The following BCKDHB variants were observed in gnomAD, a reference collection of about 807,000 sequenced individuals.
The protein encoded by BCKDHB is 2-oxoisovalerate dehydrogenase subunit beta, mitochondrial.
A neutral mutation model predicts 48.5 loss-of-function variants in BCKDHB; 41 were observed. The ratio of observed to expected loss-of-function variants is 0.85; its 90% CI spans 0.66 to 1.10. The LOEUF is 1.10. Ranked by LOEUF, BCKDHB falls within the 50% of genes least tolerant of loss-of-function variation. BCKDHB has a pLI of 0.00. For synonymous variants in BCKDHB, 201 were observed against 174.8 expected, an observed-to-expected ratio of 1.15 and a Z score of -1.18; for missense variants, 496 against 494.2, an observed-to-expected ratio of 1.00 and a Z score of -0.03.
chr6:80,169,124 A>G, intron 5 of BCKDHB, 94 bp downstream of exon 5: 1 of 1,487,126 alleles, frequency 6.7e-7, no homozygotes, highest in Non-Finnish European at 9.2e-7. Flanking sequence ...AGGAAAGAAA[A>G]CAAACAGGAT....
intron 6 of BCKDHB, among the ~76,000 whole-genome samples, chr6:80,171,858 G>A (rs918349458): frequency 2.0e-5 from 3 of 152,088 alleles, no homozygotes; most frequent in African/African-American, 7.2e-5. Context: ...GCAAACTAAG[G>A]TGTTTGGTCA....
chr6:80,343,158 CA>C (rs1475900994), intron 9 of BCKDHB, among the ~76,000 whole-genome samples: 2 of 152,148 alleles, frequency 1.3e-5, no homozygotes, highest in Non-Finnish European at 1.5e-5. Flanking sequence ...GCATTATCTG[CA>C]AAAGCTAGAC....
chr6:80,279,208 CAGTGGTGCG>C (rs1778096410), intron 9 of BCKDHB, among the ~76,000 whole-genome samples: 1 of 151,988 alleles, frequency 6.6e-6, no homozygotes, highest in Non-Finnish European at 1.5e-5. Context: ...GGCTGGAGTG[CAGTGGTGCG>C]ATCTCGGCTC....
At chr6:80,407,355 A>G in the BCKDHB span, among the ~76,000 whole-genome samples, 1 of 152,128 alleles carries the variant, frequency 6.6e-6, no homozygotes, top group Non-Finnish European at 1.5e-5. Context: ...TTTTGGTTCC[A>G]TATGAACTTT....
chr6:80,111,397 G>A (rs1769399495), intron 1 of BCKDHB, among the ~76,000 whole-genome samples: 1 of 152,156 alleles, frequency 6.6e-6, no homozygotes, highest in African/African-American at 2.4e-5. Context: ...CCCCTTGGTG[G>A]GAGCAGGGCC....
At chr6:80,235,873 G>A (rs982418760) in intron 8 of BCKDHB, among the ~76,000 whole-genome samples, 9 of 152,214 alleles carry the variant, frequency 5.9e-5, no homozygotes, top group South Asian at 4.2e-4. Context: ...AGTGAGCACC[G>A]GCACTGGGAA....
chr6:80,405,000 G>T, the BCKDHB span, among the ~76,000 whole-genome samples: 1 of 152,102 alleles, frequency 6.6e-6, no homozygotes, highest in East Asian at 1.9e-4. Flanking sequence ...TTCTTGAGAA[G>T]AATGTGTACT....
At chr6:80,228,509 C>T (rs1462783476) in intron 8 of BCKDHB, among the ~76,000 whole-genome samples, 1 of 152,150 alleles carries the variant, frequency 6.6e-6, no homozygotes. Flanking sequence ...ATCTAAATCA[C>T]CTTTATTTTC....
At chr6:80,190,451 G>C (rs1773842473) in intron 6 of BCKDHB, among the ~76,000 whole-genome samples, 1 of 152,008 alleles carries the variant, frequency 6.6e-6, no homozygotes, top group African/African-American at 2.4e-5. Context: ...TTGGACCGCT[G>C]AGTGGCCACA....
chr6:80,414,893 A>G, the BCKDHB span, among the ~76,000 whole-genome samples: 1 of 152,190 alleles, frequency 6.6e-6, no homozygotes, highest in Admixed American at 6.5e-5. Context: ...GGGAGCATGG[A>G]ATGTTTTTTC....
intron 6 of BCKDHB, among the ~76,000 whole-genome samples, chr6:80,174,408 C>G (rs753664847): frequency 1.3e-5 from 2 of 152,086 alleles, no homozygotes; most frequent in African/African-American, 2.4e-5. Context: ...TCCAGCCCCT[C>G]TACCCCAATA....
intron 8 of BCKDHB, among the ~76,000 whole-genome samples, chr6:80,271,655 A>G (rs1441413319): frequency 6.6e-6 from 1 of 152,104 alleles, no homozygotes; most frequent in Non-Finnish European, 1.5e-5. Flanking sequence ...AAGATGCACC[A>G]GATAGCTTGG....
intron 4 of BCKDHB, 88 bp from the exon 5 acceptor site, chr6:80,168,787 A>AAGGAAGGAAGGGAGGGAGGG (rs1554189733): frequency 2.8e-6 from 3 of 1,085,304 alleles, no homozygotes; most frequent in African/African-American, 3.7e-5. Context: ...GAAGGGAAGG[A>AAGGAAGGAAGGGAGGGAGGG]AGGAAGGGAG....
intron 3 of BCKDHB, among the ~76,000 whole-genome samples, chr6:80,130,905 CAA>C (rs1218826301): frequency 6.6e-6 from 1 of 152,176 alleles, no homozygotes; most frequent in Non-Finnish European, 1.5e-5. Context: ...CTAGACCTCA[CAA>C]TTCCATCTTG....
the BCKDHB span, among the ~76,000 whole-genome samples, chr6:80,388,820 A>G: frequency 6.6e-6 from 1 of 152,206 alleles, no homozygotes; most frequent in South Asian, 2.1e-4. Context: ...CTGCAGCACT[A>G]CAGCCCCTTT....
At chr6:80,424,511 G>A in the BCKDHB span, among the ~76,000 whole-genome samples, 1 of 151,808 alleles carries the variant, frequency 6.6e-6, no homozygotes, top group Non-Finnish European at 1.5e-5. Flanking sequence ...TAATTAATTT[G>A]GCTATTTGCA....
At chr6:80,283,597 G>A (rs1210869403) in intron 9 of BCKDHB, among the ~76,000 whole-genome samples, 3 of 152,128 alleles carry the variant, frequency 2.0e-5, no homozygotes, top group East Asian at 3.9e-4. Flanking sequence ...CTGAAGGAAA[G>A]CATTACTTTA....
chr6:80,304,710 G>A (rs1054820058), intron 9 of BCKDHB, among the ~76,000 whole-genome samples: 1 of 152,134 alleles, frequency 6.6e-6, no homozygotes, highest in African/African-American at 2.4e-5. Flanking sequence ...ACTGAATCCA[G>A]AAGTTTTCCA....
chr6:80,276,481 CAAAT>C (rs1025418964), intron 9 of BCKDHB, among the ~76,000 whole-genome samples: 10 of 151,646 alleles, frequency 6.6e-5, no homozygotes, highest in African/African-American at 1.9e-4. Flanking sequence ...AATTAAATAT[CAAAT>C]AAAGGAACAT....
Sources: gnomAD v4.1 joint callset for allele counts (sites outside exome capture counted in the v4.1 genomes callset) on GRCh38, gnomAD v4.1.1 for gene constraint, MANE v1.5 for transcripts, NCBI Gene and HGNC (gene_info 2026-07-23, HGNC 2026-07-21) for gene names.